DPYD: variants seen among roughly 807,000 people sequenced by gnomAD.
The protein encoded by DPYD is dihydropyrimidine dehydrogenase [NADP(+)].
DPYD carries 109 observed loss-of-function variants against 116.2 expected under a neutral mutation model. That is an observed-to-expected ratio of 0.94 (90% CI 0.80 to 1.10). DPYD has a LOEUF of 1.10. Among genes scored for constraint, DPYD ranks in the 50% least tolerant of loss-of-function variants. The probability of loss-of-function intolerance (pLI) is 0.00; values close to 1 mark genes in which losing one functional copy is unlikely to be tolerated. For missense variants in DPYD, 1,302 were observed against 1,254.5 expected (o/e 1.04, Z -0.57); for synonymous variants, 440 against 432.0 (o/e 1.02, Z -0.23).
chr1:97,783,531 A>T (rs1405996040), intron 3 of DPYD, among the ~76,000 whole-genome samples: 2 of 151,786 alleles, frequency 1.3e-5, no homozygotes, highest in African/African-American at 2.4e-5. Context: ...AGTAGCTGGG[A>T]TTACAGGCAT....
intron 12 of DPYD, among the ~76,000 whole-genome samples, chr1:97,549,031 G>A (rs984450920): frequency 4.6e-5 from 7 of 151,660 alleles, no homozygotes; most frequent in Non-Finnish European, 1.0e-4. Context: ...TGACTTCACA[G>A]TACTCAAATG....
chr1:97,079,679 A>T (rs1388103698), intron 22 of DPYD, among the ~76,000 whole-genome samples: 1 of 152,162 alleles, frequency 6.6e-6, no homozygotes, highest in Non-Finnish European at 1.5e-5. Flanking sequence ...AGTTTTGAAG[A>T]TTTCCAAGCT....
intron 19 of DPYD, among the ~76,000 whole-genome samples, chr1:97,204,898 A>T (rs887113807): frequency 1.3e-5 from 2 of 152,046 alleles, no homozygotes; most frequent in African/African-American, 4.8e-5. Context: ...ACCTGACTTG[A>T]TCCAATAAGA....
At chr1:97,086,226 G>A (rs1649504579) in intron 21 of DPYD, among the ~76,000 whole-genome samples, 1 of 151,946 alleles carries the variant, frequency 6.6e-6, no homozygotes. Flanking sequence ...GCTAATTTTT[G>A]TATTTTTAGT....
chr1:97,316,989 C>G (rs1331736395), intron 16 of DPYD, among the ~76,000 whole-genome samples: 1 of 151,740 alleles, frequency 6.6e-6, no homozygotes, highest in Non-Finnish European at 1.5e-5. Context: ...CCTATCTTCA[C>G]AGGCAAACAA....
At chr1:97,413,902 A>G (rs1216452734) in intron 14 of DPYD, among the ~76,000 whole-genome samples, 1 of 152,062 alleles carries the variant, frequency 6.6e-6, no homozygotes, top group African/African-American at 2.4e-5. Context: ...CAAGCCAGAG[A>G]GATTTATGCA....
At chr1:97,811,498 CACAAAT>C (rs1668348538) in intron 3 of DPYD, among the ~76,000 whole-genome samples, 1 of 152,088 alleles carries the variant, frequency 6.6e-6, no homozygotes, top group South Asian at 2.1e-4. Context: ...TAGTAGTATT[CACAAAT>C]ACAAACATTG....
intron 13 of DPYD, among the ~76,000 whole-genome samples, chr1:97,487,539 G>A (rs1014165698): frequency 6.6e-6 from 1 of 152,126 alleles, no homozygotes; most frequent in African/African-American, 2.4e-5. Context: ...CGGGTGTGGT[G>A]GCGGGCACCT....
At chr1:97,112,133 A>C (rs1343773430) in intron 20 of DPYD, among the ~76,000 whole-genome samples, 1 of 152,112 alleles carries the variant, frequency 6.6e-6, no homozygotes, top group Non-Finnish European at 1.5e-5. Context: ...ACTTATGTAC[A>C]CAGTGACACT....
intron 13 of DPYD, among the ~76,000 whole-genome samples, chr1:97,483,765 C>T (rs1036389251): frequency 5.9e-5 from 9 of 152,134 alleles, no homozygotes; most frequent in Admixed American, 6.5e-5. Flanking sequence ...CTTCAAGCAG[C>T]ATTGGGCTAG....
At chr1:97,463,091 C>A (rs1358457843) in intron 13 of DPYD, among the ~76,000 whole-genome samples, 2 of 152,166 alleles carry the variant, frequency 1.3e-5, no homozygotes, top group Non-Finnish European at 2.9e-5. Flanking sequence ...TGGACCAAAC[C>A]AATGTATATC....
At chr1:97,604,152 T>C (rs1166747714) in intron 8 of DPYD, among the ~76,000 whole-genome samples, 8 of 152,154 alleles carry the variant, frequency 5.3e-5, no homozygotes, top group Admixed American at 4.6e-4. Context: ...TCCAGGCATA[T>C]ATGTGAAACG....
intron 20 of DPYD, among the ~76,000 whole-genome samples, chr1:97,157,349 C>G (rs1182358930): frequency 1.3e-5 from 2 of 152,136 alleles, no homozygotes; most frequent in Non-Finnish European, 2.9e-5. Flanking sequence ...ACACACATCA[C>G]CTTTTCTGCC....
intron 12 of DPYD, among the ~76,000 whole-genome samples, chr1:97,538,453 T>C (rs1451165946): frequency 5.3e-5 from 8 of 152,206 alleles, no homozygotes; most frequent in Non-Finnish European, 1.2e-4. Flanking sequence ...AAAGGCTCTG[T>C]ATCTCATTAC....
intron 14 of DPYD, among the ~76,000 whole-genome samples, chr1:97,394,638 G>A (rs1206822815): frequency 6.6e-6 from 1 of 152,050 alleles, no homozygotes; most frequent in African/African-American, 2.4e-5. Flanking sequence ...GAAACATGAA[G>A]TGAGTGTATG....
intron 15 of DPYD, among the ~76,000 whole-genome samples, chr1:97,381,498 C>G (rs1043133749): frequency 6.6e-6 from 1 of 151,992 alleles, no homozygotes; most frequent in Admixed American, 6.6e-5. Flanking sequence ...TCAAATGAAC[C>G]CAGCATGGAA....
At chr1:97,709,423 A>AT (rs1662161453) in intron 5 of DPYD, among the ~76,000 whole-genome samples, 1 of 151,638 alleles carries the variant, frequency 6.6e-6, no homozygotes, top group Admixed American at 6.6e-5. Context: ...TACTTTTTAA[A>AT]TTTTTTAATA....
intron 13 of DPYD, among the ~76,000 whole-genome samples, chr1:97,484,035 T>A (rs909363312): frequency 6.6e-6 from 1 of 152,240 alleles, no homozygotes; most frequent in African/African-American, 2.4e-5. Context: ...CTGGGTCCCA[T>A]GGCTCACGTC....
intron 18 of DPYD, among the ~76,000 whole-genome samples, chr1:97,251,974 C>A (rs1431155263): frequency 6.6e-6 from 1 of 151,958 alleles, no homozygotes; most frequent in Non-Finnish European, 1.5e-5. Flanking sequence ...CACTTTATGC[C>A]CAAATTGGTA....
Sources: allele counts gnomAD v4.1 joint callset (sites outside exome capture counted in the v4.1 genomes callset), GRCh38; gene constraint gnomAD v4.1.1; transcripts MANE v1.5; gene names NCBI Gene and HGNC (gene_info 2026-07-23, HGNC 2026-07-21).